DZIP1: variants seen among roughly 807,000 people sequenced by gnomAD.
DZIP1 encodes DAZ interacting zinc finger protein 1.
In DZIP1, 97 loss-of-function variants were observed where a neutral mutation model predicts 107.6. The ratio of observed to expected loss-of-function variants is 0.90; its 90% CI spans 0.77 to 1.07. The LOEUF is 1.07. DZIP1 is among the 50% of genes least tolerant of loss of function. DZIP1 has a pLI of 0.00. For synonymous variants in DZIP1, 390 were observed against 386.4 expected, an observed-to-expected ratio of 1.01 and a Z score of -0.11; for missense variants, 1,035 against 1,063.6, an observed-to-expected ratio of 0.97 and a Z score of 0.37.
chr13:95,627,394 G>C (rs897300207), intron 7 of DZIP1, among the ~76,000 whole-genome samples: 7 of 152,130 alleles, frequency 4.6e-5, no homozygotes, highest in Non-Finnish European at 8.8e-5. Flanking sequence ...GAGCTAAAGT[G>C]ATGAAACTAT....
intron 20 of DZIP1, 93 bp from the exon 21 acceptor site, chr13:95,586,229 TC>T: frequency 9.2e-7 from 1 of 1,088,886 alleles, no homozygotes; most frequent in Non-Finnish European, 1.3e-6. Context: ...TTTGAAAGAG[TC>T]TAAGCTTTGG....
intron 5 of DZIP1, 42 bp from the exon 6 acceptor site, chr13:95,633,363 T>C: frequency 6.5e-7 from 1 of 1,546,040 alleles, no homozygotes; most frequent in Non-Finnish European, 8.9e-7. Context: ...CTGTAACGAC[T>C]GTCGTCCCAC....
At position 95,619,870 on chromosome 13, in the gene DZIP1, G is replaced by T. The variant is rs573208985; in HGVS notation, c.1173+15C>A. On this transcript the variant is annotated intron_variant, in intron 10 of 22. Transcript: ENST00000376829. ...AAAAATGGCCCACTTTAGGCCACTGGTTTCTTAACCTTACCCGACCCTTCT... is the reference window on the plus strand; with the variant it reads ...AAAAATGGCCCACTTTAGGCCACTGTTTTCTTAACCTTACCCGACCCTTCT... The T allele has an allele frequency of 4.2e-5, 67 of 1,612,886 alleles. No homozygotes were observed. The African/African-American group carries it at 6.7e-4, about 16-fold the overall frequency.
rs749315144 is a variant in DZIP1, at chr13:95,584,925, T to A, written c.2350-15A>T. 2.1e-5 allele frequency: 34 copies of A among 1,601,818 alleles called. No individual in the cohort carries two copies. Among genetic ancestry groups the A allele is most frequent in the Non-Finnish European group, 2.9e-5 (34 of 1,173,676 alleles). On this transcript the variant is annotated splice_polypyrimidine_tract_variant and intron_variant, in intron 21 of 22. Coordinates refer to ENST00000376829, the MANE Select transcript of DZIP1 (RefSeq NM_198968.4). ...ACATCCGCACACTAAAAGAAAGGCA[T>A]GGAGAATAATTAATGTTGCTTAGAA...
chr13:95,627,637 T>C (rs1254977021), intron 7 of DZIP1, among the ~76,000 whole-genome samples: 1 of 152,162 alleles, frequency 6.6e-6, no homozygotes, highest in Non-Finnish European at 1.5e-5. Context: ...AACAGAAAAG[T>C]ATAACAAGTA....
At chr13:95,589,484 T>C (rs1263978757) in intron 18 of DZIP1, among the ~76,000 whole-genome samples, 2 of 152,132 alleles carry the variant, frequency 1.3e-5, no homozygotes, top group African/African-American at 4.8e-5. Flanking sequence ...GGGGGGCCTT[T>C]GGGAGGTGAT....
At position 95,624,828 on chromosome 13, in the gene DZIP1, G is replaced by A; in HGVS notation, c.912C>T (p.Val304=). The A allele has an allele frequency of 6.2e-7, 1 of 1,611,296 alleles. No individual in the cohort carries two copies. The highest frequency in any genetic ancestry group is 8.5e-7 in the Non-Finnish European group (1 of 1,178,192). ...TAAATTCCTTCATAAACATCTCCTT[G>A]ACTTTTTCCATTTCATCAACTAGTT... ...KEKLVDEMEK[V]KEMFMKEFKE... Residue 304 remains valine, a synonymous_variant, in exon 8 of 23, where the codon GTC becomes GTT. Transcript: ENST00000376829.
intron 12 of DZIP1, among the ~76,000 whole-genome samples, chr13:95,609,859 T>C (rs970721864): frequency 4.6e-5 from 7 of 152,120 alleles, no homozygotes; most frequent in African/African-American, 1.7e-4. Flanking sequence ...TACACCCCAG[T>C]ACCACCCCTA....
Position 95,642,198 on chromosome 13 carries a change from A to G in DZIP1, c.-169T>C. On this transcript the variant is annotated 5_prime_UTR_variant, in exon 4 of 23. Coordinates refer to ENST00000376829, the MANE Select transcript of DZIP1 (RefSeq NM_198968.4). ...CAGCGCCCAGGTCCGGACCTGGAGC[A>G]AAGGGCGCGTCTGCCCGCGCAGGGT... 1.2e-6 allele frequency: 1 copy of G among 865,156 alleles called. No individual in the cohort carries two copies. 53.6% of individuals were successfully genotyped at this position (865,156 alleles called of 1,614,324 possible).
intron 10 of DZIP1, among the ~76,000 whole-genome samples, chr13:95,618,701 A>G (rs1346986406): frequency 6.6e-6 from 1 of 152,202 alleles, no homozygotes; most frequent in Non-Finnish European, 1.5e-5. Flanking sequence ...GATCATCTGA[A>G]CACACTTCAT....
At position 95,593,986 on chromosome 13, in the gene DZIP1, C is replaced by T. The variant is rs763454296; in HGVS notation, c.1638G>A (p.Glu546=). 1 of 1,612,096 alleles carries T rather than the reference C, an allele frequency of 6.2e-7. No individual in the cohort carries two copies. The highest frequency in any genetic ancestry group is 8.5e-7 in the Non-Finnish European group (1 of 1,179,294). ...TTTCCAGTTTCTCCATCAAGTTCTG[C>T]TCCACCATTGTTCTTAGTCCCTTAG... ...SLTKGLRTMV[E]QNLMEKLETL... The change falls in exon 16 of 23, where the codon GAG becomes GAA. Residue 546 remains glutamate, a synonymous_variant. Coordinates refer to ENST00000376829, the MANE Select transcript of DZIP1 (RefSeq NM_198968.4).
chr13:95,607,482 A>G (rs2044819035), intron 13 of DZIP1, among the ~76,000 whole-genome samples: 1 of 152,226 alleles, frequency 6.6e-6, no homozygotes, highest in Non-Finnish European at 1.5e-5. Context: ...TATAATCTAG[A>G]TCAAGTTTTG....
chr13:95,628,404 G>A (rs889658835), intron 7 of DZIP1, among the ~76,000 whole-genome samples: 3 of 152,036 alleles, frequency 2.0e-5, no homozygotes, highest in Non-Finnish European at 2.9e-5. Flanking sequence ...AAAAAGATTC[G>A]TGGTTACCAG....
chr13:95,594,049 C>T lies in DZIP1; in HGVS notation c.1575G>A (p.Met525Ile), dbSNP rs1791575434. 1.2e-6 allele frequency: 2 copies of T among 1,607,902 alleles called. No individual in the cohort carries two copies. The highest frequency in any genetic ancestry group is 8.5e-7 in the Non-Finnish European group (1 of 1,177,142). Reference protein sequence around the residue: ...ENEQKLNNNKMHLRKALKSNS... With the variant: ...ENEQKLNNNKIHLRKALKSNS... ...TACTCTTCAAAGCTTTCCTTAAATGCATTTTGTTGTTATTTAATTTCTGTT... is the reference window on the plus strand; with the variant it reads ...TACTCTTCAAAGCTTTCCTTAAATGTATTTTGTTGTTATTTAATTTCTGTT... Residue 525 changes from methionine (M) to isoleucine (I), a missense_variant, in exon 16 of 23, where the codon ATG becomes ATA. Met to Ile is a conservative substitution (Grantham distance 10). Coordinates refer to ENST00000376829, the MANE Select transcript of DZIP1 (RefSeq NM_198968.4).
intron 22 of DZIP1, 127 bp downstream of exon 22, chr13:95,584,609 T>C: frequency 2.1e-6 from 3 of 1,456,078 alleles, no homozygotes; most frequent in Non-Finnish European, 2.7e-6. Flanking sequence ...TTAAATAACA[T>C]AAAGAAAGCA....
chr13:95,642,371 TC>T (rs1318444464), intron 3 of DZIP1, 130 bp from the exon 4 acceptor site: 1 of 271,732 alleles, frequency 3.7e-6, no homozygotes, highest in Non-Finnish European at 6.8e-6. Flanking sequence ...ACACTCCATG[TC>T]CCTAAGGCAG....
chr13:95,587,406 G>A, intron 20 of DZIP1, 133 bp downstream of exon 20: 1 of 1,189,402 alleles, frequency 8.4e-7, no homozygotes, highest in Non-Finnish European at 1.2e-6. Flanking sequence ...CATTTTCCGT[G>A]GGTGCCTTTG....
rs1236801264 is a variant in DZIP1 at position 95,582,054 on chromosome 13, G to A, written c.*180C>T. 2 of 568,466 alleles carry A rather than the reference G, an allele frequency of 3.5e-6. No individual in the cohort carries two copies. The highest frequency in any genetic ancestry group is 6.2e-6 in the Non-Finnish European group (2 of 320,780). The allele number at this position is 568,466 out of a possible 1,614,324, so 35.2% of individuals were successfully genotyped here. On this transcript the variant is annotated 3_prime_UTR_variant, in exon 23 of 23. Transcript: ENST00000376829. The stretch of plus-strand genomic sequence containing the variant: ...TTACATGCTTCGAAATACTGTTGAT[G>A]ATCTGATTTTCAATACTGTATTGGG...
intron 5 of DZIP1, among the ~76,000 whole-genome samples, chr13:95,639,204 G>T (rs573578937): frequency 2.0e-5 from 3 of 152,300 alleles, no homozygotes; most frequent in Non-Finnish European, 4.4e-5. Context: ...TGAGCAACTT[G>T]CCAAGGTCTG....
Sources: gnomAD v4.1 joint callset for allele counts (sites outside exome capture counted in the v4.1 genomes callset) on GRCh38, gnomAD v4.1.1 for gene constraint, MANE v1.5 for transcripts, NCBI Gene and HGNC (gene_info 2026-07-23, HGNC 2026-07-21) for gene names.